The following AOPEP variants were observed in gnomAD, a reference collection of about 807,000 sequenced individuals.
AOPEP encodes the protein aminopeptidase O (putative).
In AOPEP, 77 loss-of-function variants were observed where a neutral mutation model predicts 98.1. That is an observed-to-expected ratio of 0.78 (90% CI 0.65 to 0.95). The LOEUF is 0.95. Among genes scored for constraint, AOPEP ranks in the 40% least tolerant of loss-of-function variants. The pLI, the probability that AOPEP is intolerant of heterozygous loss-of-function variation, is 0.00. For missense variants in AOPEP, 1,024 were observed against 1,024.7 expected (o/e 1.00, Z 0.01); for synonymous variants, 346 against 365.3 (o/e 0.95, Z 0.60).
At position 94,933,521 on chromosome 9, in the gene AOPEP, C is replaced by T. The variant is rs561778509; in HGVS notation, c.1661+4990C>T. 2.3e-5 allele frequency: 23 copies of T among 985,436 alleles called. No individual in the cohort carries two copies. The African/African-American group carries it at 3.0e-4, about 13-fold the overall frequency. 61.0% of individuals were successfully genotyped at this position (985,436 alleles called of 1,614,324 possible). On this transcript the variant is annotated intron_variant, in intron 7 of 16. Transcript: ENST00000375315. ...CTCTTAATCTTAGCTGCTGCCTCCA[C>T]TTTGATACAATGCTAGATAAATGCG...
the AOPEP span, among the ~76,000 whole-genome samples, chr9:95,110,047 G>C: frequency 2.0e-5 from 3 of 152,220 alleles, no homozygotes; most frequent in African/African-American, 7.2e-5. Context: ...GGGCACCTGT[G>C]ACAGAATGGG....
intron 10 of AOPEP, among the ~76,000 whole-genome samples, chr9:94,974,427 A>G (rs2059712248): frequency 6.6e-6 from 1 of 152,158 alleles, no homozygotes; most frequent in Non-Finnish European, 1.5e-5. Context: ...CTTCACAGGG[A>G]TATTATGAGA....
intron 1 of AOPEP, among the ~76,000 whole-genome samples, chr9:94,737,983 G>T (rs768702906): frequency 1.6e-4 from 25 of 152,256 alleles, no homozygotes; most frequent in Middle Eastern, 6.8e-3. Context: ...GCCAAACCAG[G>T]GGAATCTCAC....
chr9:95,115,629 C>T, the AOPEP span, among the ~76,000 whole-genome samples: 1 of 152,190 alleles, frequency 6.6e-6, no homozygotes. Context: ...CAGTTCTGTG[C>T]AGCATCTGCA....
chr9:94,984,187 C>T (rs2060374352), intron 11 of AOPEP, among the ~76,000 whole-genome samples: 2 of 151,982 alleles, frequency 1.3e-5, no homozygotes, highest in African/African-American at 4.8e-5. Flanking sequence ...CGCCCGCCAC[C>T]ACGCCTGGCT....
rs373781556 is a variant in AOPEP, at chr9:94,882,662, G to A, written c.1365-41324G>A. 4.9e-4 allele frequency among the ~76,000 whole-genome samples: 75 copies of A among 152,320 alleles called. No homozygotes were observed. The South Asian group carries it at 0.014, about 29-fold the overall frequency. On this transcript the variant is annotated intron_variant, in intron 5 of 16. Transcript: ENST00000375315. ...GTGGTGGTGGGAGCCTGTAATCCCAGCTCCTGGGGAGGCTGAGGCAGGAGA... is the reference window on the plus strand; with the variant it reads ...GTGGTGGTGGGAGCCTGTAATCCCAACTCCTGGGGAGGCTGAGGCAGGAGA...
intron 5 of AOPEP, among the ~76,000 whole-genome samples, chr9:94,852,522 A>G (rs902281656): frequency 6.6e-6 from 1 of 152,190 alleles, no homozygotes; most frequent in Non-Finnish European, 1.5e-5. Context: ...TGACAGTGGG[A>G]TCGGATATCA....
intron 13 of AOPEP, among the ~76,000 whole-genome samples, chr9:95,041,821 C>T (rs1041548807): frequency 3.3e-5 from 5 of 152,056 alleles, no homozygotes; most frequent in African/African-American, 1.2e-4. Context: ...GTTAAAGAAC[C>T]GGACCCAGAA....
chr9:94,857,420 A>ATTCCTTT (rs2044359437), intron 5 of AOPEP, among the ~76,000 whole-genome samples: 1 of 152,214 alleles, frequency 6.6e-6, no homozygotes, highest in Admixed American at 6.5e-5. Flanking sequence ...ACGACTTAAT[A>ATTCCTTT]TTCCTTTCCC....
intron 13 of AOPEP, among the ~76,000 whole-genome samples, chr9:95,014,983 C>G (rs777744913): frequency 6.6e-6 from 1 of 152,152 alleles, no homozygotes; most frequent in Non-Finnish European, 1.5e-5. Context: ...ATGGGGAGAT[C>G]AAACACACAG....
chr9:94,847,127 T>TACACACACACACACACACACAC (rs57318947), intron 5 of AOPEP, among the ~76,000 whole-genome samples: 1 of 125,210 alleles, frequency 8.0e-6, no homozygotes, highest in Admixed American at 8.0e-5. Context: ...GTTCCCTTTG[T>TACACACACACACACACACACAC]ACACACACAC....
chr9:94,746,580 A>C lies in AOPEP; in HGVS notation c.-135-13069A>C, dbSNP rs977694819. Among the ~76,000 whole-genome samples, 7 of 152,224 alleles carry C rather than the reference A, an allele frequency of 4.6e-5. No individual in the cohort carries two copies. In the East Asian group the frequency reaches 1.3e-3, roughly 29 times the overall value. ...CTGAAACATGCTATACTTTGCAAGC[A>C]AGTAGCAATCAAAGGGATACATTCT... On this transcript the variant is annotated intron_variant, in intron 1 of 16. Transcript: ENST00000375315.
intron 5 of AOPEP, among the ~76,000 whole-genome samples, chr9:94,885,969 A>C (rs1186300531): frequency 6.6e-6 from 1 of 152,164 alleles, no homozygotes; most frequent in African/African-American, 2.4e-5. Context: ...TTCTCTGTTC[A>C]GTAACGAACA....
intron 13 of AOPEP, among the ~76,000 whole-genome samples, chr9:95,051,310 G>A (rs936654310): frequency 4.6e-5 from 7 of 151,660 alleles, no homozygotes; most frequent in African/African-American, 1.7e-4. Context: ...GGATGGTCTC[G>A]ATCTCTTGAC....
chr9:94,953,964 G>T (rs1478258544), intron 7 of AOPEP, among the ~76,000 whole-genome samples: 3 of 152,106 alleles, frequency 2.0e-5, no homozygotes, highest in Non-Finnish European at 4.4e-5. Flanking sequence ...AAATAGCACA[G>T]TGGAAAAGAT....
chr9:95,048,342 GT>G (rs1453100233), intron 13 of AOPEP, among the ~76,000 whole-genome samples: 3 of 151,788 alleles, frequency 2.0e-5, no homozygotes, highest in Non-Finnish European at 4.4e-5. Context: ...TGCCGGCTGT[GT>G]TGGGGCTGGT....
chr9:94,936,486 A>G (rs1214579563), intron 7 of AOPEP, among the ~76,000 whole-genome samples: 1 of 152,042 alleles, frequency 6.6e-6, no homozygotes, highest in African/African-American at 2.4e-5. Flanking sequence ...CTGAGCCCTC[A>G]CTCCTTGGCT....
At chr9:95,003,744 G>A (rs1237193827) in intron 11 of AOPEP, among the ~76,000 whole-genome samples, 1 of 152,162 alleles carries the variant, frequency 6.6e-6, no homozygotes, top group African/African-American at 2.4e-5. Context: ...TAGCAAATGA[G>A]CACACATTTC....
intron 3 of AOPEP, among the ~76,000 whole-genome samples, chr9:94,786,126 G>A (rs1200712268): frequency 4.6e-5 from 7 of 152,150 alleles, no homozygotes; most frequent in African/African-American, 1.7e-4. Flanking sequence ...GCTTGCAGAT[G>A]AAGACTACAA....
Sources: allele counts gnomAD v4.1 joint callset (sites outside exome capture counted in the v4.1 genomes callset), GRCh38; gene constraint gnomAD v4.1.1; transcripts MANE v1.5; gene names NCBI Gene and HGNC (gene_info 2026-07-23, HGNC 2026-07-21).